Variants in THSD4 observed in about 807,000 individuals in gnomAD.
The protein encoded by THSD4 is thrombospondin type-1 domain-containing protein 4.
In THSD4, 69 loss-of-function variants were observed where a neutral mutation model predicts 119.0. The observed-to-expected ratio is 0.58, with a 90% CI of 0.48 to 0.71. The LOEUF (loss-of-function observed/expected upper bound fraction) is 0.71. Ranked by LOEUF, THSD4 falls within the 30% of genes least tolerant of loss-of-function variation. The pLI is 0.00. For missense variants in THSD4, 1,393 were observed against 1,391.1 expected (o/e 1.00, Z -0.02); for synonymous variants, 524 against 540.4 (o/e 0.97, Z 0.42).
chr15:71,686,004 G>A (rs1165465358), intron 8 of THSD4, among the ~76,000 whole-genome samples: 1 of 152,136 alleles, frequency 6.6e-6, no homozygotes. Flanking sequence ...CAGAAGAGTT[G>A]CAGAGAGAAT....
chr15:71,632,210 A>G (rs2050644801), intron 7 of THSD4, among the ~76,000 whole-genome samples: 1 of 152,156 alleles, frequency 6.6e-6, no homozygotes, highest in Non-Finnish European at 1.5e-5. Context: ...TTCCTTGGAA[A>G]TGTATTTTGA....
intron 7 of THSD4, among the ~76,000 whole-genome samples, chr15:71,558,661 G>C (rs996408075): frequency 2.6e-5 from 4 of 151,936 alleles, no homozygotes; most frequent in Non-Finnish European, 5.9e-5. Context: ...TGTAGAGATG[G>C]GGTCTTTCTA....
intron 5 of THSD4, among the ~76,000 whole-genome samples, chr15:71,247,957 A>T (rs2044221099): frequency 6.6e-6 from 1 of 152,202 alleles, no homozygotes; most frequent in Non-Finnish European, 1.5e-5. Flanking sequence ...GATGCAGTTG[A>T]AAAAGAACAA....
chr15:71,312,092 G>C (rs1038998118), intron 6 of THSD4, among the ~76,000 whole-genome samples: 1 of 152,198 alleles, frequency 6.6e-6, no homozygotes, highest in East Asian at 1.9e-4. Context: ...CCTGCCCTCT[G>C]TTCTGGACTG....
chr15:71,642,553 A>G lies in THSD4; in HGVS notation c.1153-17977A>G, dbSNP rs868712127. ...TAGCAAAGACTTGGAACCAACCCAA[A>G]TGTCCAACAATGATAGACTGGATTA... On this transcript the variant is annotated intron_variant, in intron 7 of 17. Coordinates refer to ENST00000261862, the MANE Select transcript of THSD4 (RefSeq NM_024817.3). Among the ~76,000 whole-genome samples, 21 of 152,330 alleles carry G rather than the reference A, an allele frequency of 1.4e-4. No homozygotes were observed. In the Middle Eastern group the frequency reaches 0.014, roughly 99 times the overall value.
At chr15:71,124,754 G>A (rs588897) in intron 1 of THSD4, among the ~76,000 whole-genome samples, 17,202 of 152,104 alleles carry the variant, frequency 0.11, 3,230 homozygotes, top group African/African-American at 0.39. Context: ...CTTAAATTGT[G>A]TACCCTGGCT....
intron 7 of THSD4, among the ~76,000 whole-genome samples, chr15:71,517,531 C>T (rs926940133): frequency 1.3e-5 from 2 of 152,116 alleles, no homozygotes; most frequent in Non-Finnish European, 2.9e-5. Flanking sequence ...TCTTCAAGTA[C>T]AATAATTTCA....
chr15:71,532,281 AGAGTGTGTGT>A (rs990231936), intron 7 of THSD4, among the ~76,000 whole-genome samples: 8 of 113,200 alleles, frequency 7.1e-5, no homozygotes, highest in East Asian at 2.6e-4. Context: ...AGAGAGAGAG[AGAGTGTGTGT>A]GTGTGTGTGT....
intron 7 of THSD4, among the ~76,000 whole-genome samples, chr15:71,645,000 C>T (rs959448987): frequency 6.6e-6 from 1 of 152,176 alleles, no homozygotes; most frequent in Non-Finnish European, 1.5e-5. Flanking sequence ...GAAGTTCCTT[C>T]AGCTTAAAGG....
chr15:71,614,994 A>G (rs2050296379), intron 7 of THSD4, among the ~76,000 whole-genome samples: 1 of 152,216 alleles, frequency 6.6e-6, no homozygotes, highest in South Asian at 2.1e-4. Flanking sequence ...TGCGCGGAAT[A>G]GGAAGATGCC....
intron 6 of THSD4, among the ~76,000 whole-genome samples, chr15:71,378,848 C>T (rs2046186631): frequency 6.6e-6 from 1 of 152,086 alleles, no homozygotes; most frequent in Non-Finnish European, 1.5e-5. Flanking sequence ...CAGTGGTGTG[C>T]TCATGGCTCA....
chr15:71,475,041 A>G (rs2047637253), intron 7 of THSD4, among the ~76,000 whole-genome samples: 1 of 152,232 alleles, frequency 6.6e-6, no homozygotes, highest in South Asian at 2.1e-4. Context: ...GGTAGAGTCC[A>G]GCAGTCTGTG....
chr15:71,670,166 T>C (rs977941067), intron 8 of THSD4, among the ~76,000 whole-genome samples: 1 of 152,030 alleles, frequency 6.6e-6, no homozygotes, highest in Non-Finnish European at 1.5e-5. Context: ...TGTGCCATGT[T>C]GGTTTGCTGC....
intron 5 of THSD4, among the ~76,000 whole-genome samples, chr15:71,247,475 A>C (rs1567168623): frequency 1.3e-5 from 2 of 152,214 alleles, no homozygotes; most frequent in African/African-American, 4.8e-5. Context: ...TGCAGATCAT[A>C]TGTGCCACCG....
intron 7 of THSD4, among the ~76,000 whole-genome samples, chr15:71,534,050 CGAT>C (rs1486306335): frequency 1.3e-5 from 2 of 152,124 alleles, no homozygotes; most frequent in African/African-American, 4.8e-5. Flanking sequence ...TACATCAGCG[CGAT>C]CCCAGCTCAC....
intron 6 of THSD4, among the ~76,000 whole-genome samples, chr15:71,272,294 G>A (rs567475481): frequency 6.7e-5 from 10 of 149,180 alleles, no homozygotes; most frequent in African/African-American, 2.0e-4. Context: ...CCAGCTACTC[G>A]GGAGGCCAAA....
intron 6 of THSD4, among the ~76,000 whole-genome samples, chr15:71,290,102 T>C (rs910001156): frequency 6.6e-6 from 1 of 152,170 alleles, no homozygotes; most frequent in Admixed American, 6.5e-5. Context: ...GAGAAGTGTA[T>C]TGGAAGTTTT....
At chr15:71,466,797 C>A (rs933500388) in intron 7 of THSD4, among the ~76,000 whole-genome samples, 8 of 152,232 alleles carry the variant, frequency 5.3e-5, no homozygotes, top group Non-Finnish European at 1.0e-4. Context: ...ACTCTATTCA[C>A]ATCACCCCTT....
chr15:71,774,399 A>T (rs1175543918), intron 17 of THSD4, among the ~76,000 whole-genome samples: 1 of 152,052 alleles, frequency 6.6e-6, no homozygotes, highest in African/African-American at 2.4e-5. Flanking sequence ...ATGGGAGTCC[A>T]TGTTTTTCCA....
Sources: allele counts gnomAD v4.1 joint callset (sites outside exome capture counted in the v4.1 genomes callset), GRCh38; gene constraint gnomAD v4.1.1; transcripts MANE v1.5; gene names NCBI Gene and HGNC (gene_info 2026-07-23, HGNC 2026-07-21).